PACRG: variants seen among roughly 807,000 people sequenced by gnomAD.
PACRG encodes the protein parkin coregulated gene protein.
Under a neutral mutation model 29.7 loss-of-function variants are expected in PACRG, and 29 were observed. The observed-to-expected ratio is 0.98, with a 90% CI of 0.73 to 1.33. The LOEUF (loss-of-function observed/expected upper bound fraction) is 1.33, where lower values mean the gene tolerates loss of function less well. Ranked by LOEUF, PACRG falls within the 40% of genes most tolerant of loss-of-function variation. The pLI, the probability that PACRG is intolerant of heterozygous loss-of-function variation, is 0.00. For synonymous variants in PACRG, 116 were observed against 118.7 expected, an observed-to-expected ratio of 0.98 and a Z score of 0.15; for missense variants, 279 against 316.2, an observed-to-expected ratio of 0.88 and a Z score of 0.89.
At chr6:162,877,793 C>T (rs1268766539) in intron 2 of PACRG, among the ~76,000 whole-genome samples, 4 of 152,012 alleles carry the variant, frequency 2.6e-5, no homozygotes, top group African/African-American at 7.2e-5. Context: ...TTGTCCTGCC[C>T]AGAAGAGTCA....
At chr6:162,947,354 T>TCAC (rs374880210) in intron 2 of PACRG, among the ~76,000 whole-genome samples, 1 of 47,108 alleles carries the variant, frequency 2.1e-5, no homozygotes, top group African/African-American at 7.7e-5. Context: ...TGATTACATA[T>TCAC]ATATAATGTA....
intron 4 of PACRG, among the ~76,000 whole-genome samples, chr6:163,164,292 G>A (rs1015960226): frequency 1.3e-5 from 2 of 152,154 alleles, no homozygotes; most frequent in Non-Finnish European, 1.5e-5. Context: ...TGTGTTCATG[G>A]CACAGCCTTT....
intron 2 of PACRG, among the ~76,000 whole-genome samples, chr6:162,865,753 C>G (rs2128447011): frequency 6.6e-6 from 1 of 152,224 alleles, no homozygotes; most frequent in East Asian, 1.9e-4. Flanking sequence ...CTCGAATTAA[C>G]TGGAACATAG....
intron 2 of PACRG, among the ~76,000 whole-genome samples, chr6:162,961,673 A>G (rs570469223): frequency 2.1e-4 from 32 of 152,070 alleles, no homozygotes; most frequent in Non-Finnish European, 3.1e-4. Flanking sequence ...GTCACTTAGG[A>G]CTGGAATCGA....
intron 1 of PACRG, among the ~76,000 whole-genome samples, chr6:162,790,050 G>C (rs984035142): frequency 6.6e-6 from 1 of 152,092 alleles, no homozygotes; most frequent in African/African-American, 2.4e-5. Flanking sequence ...TTGTATCTGT[G>C]GGGAGAGAGA....
intron 2 of PACRG, among the ~76,000 whole-genome samples, chr6:162,915,333 G>T (rs1796628751): frequency 6.6e-6 from 1 of 151,676 alleles, no homozygotes; most frequent in Non-Finnish European, 1.5e-5. Flanking sequence ...AATATGTTCA[G>T]GTTTGCAACC....
intron 2 of PACRG, among the ~76,000 whole-genome samples, chr6:162,846,591 T>C (rs1045570781): frequency 1.3e-5 from 2 of 152,178 alleles, no homozygotes; most frequent in Non-Finnish European, 2.9e-5. Flanking sequence ...GAGACTCTAA[T>C]AATCACCCAT....
intron 2 of PACRG, among the ~76,000 whole-genome samples, chr6:162,865,578 C>T (rs1243544097): frequency 1.1e-4 from 17 of 152,086 alleles, no homozygotes; most frequent in Admixed American, 1.1e-3. Flanking sequence ...CTCAACTCTG[C>T]TATATGATCC....
At chr6:163,097,791 A>T (rs1487145322) in intron 4 of PACRG, among the ~76,000 whole-genome samples, 1 of 152,180 alleles carries the variant, frequency 6.6e-6, no homozygotes, top group Non-Finnish European at 1.5e-5. Flanking sequence ...GGGGCTGTGG[A>T]AACCAGGTTT....
At chr6:163,180,672 T>C (rs957206416) in intron 4 of PACRG, among the ~76,000 whole-genome samples, 9 of 152,004 alleles carry the variant, frequency 5.9e-5, no homozygotes, top group Non-Finnish European at 1.3e-4. Context: ...GGGTTTTTTG[T>C]ATGGTTACAA....
At chr6:163,073,245 A>G (rs1387338757) in intron 3 of PACRG, among the ~76,000 whole-genome samples, 2 of 152,194 alleles carry the variant, frequency 1.3e-5, no homozygotes, top group Non-Finnish European at 2.9e-5. Context: ...AGACCAGTGG[A>G]ACAGCATAGA....
chr6:162,837,907 A>G (rs1789373718), intron 2 of PACRG, among the ~76,000 whole-genome samples: 1 of 152,178 alleles, frequency 6.6e-6, no homozygotes, highest in Admixed American at 6.5e-5. Context: ...TAAATAAATT[A>G]TAGGTGATTT....
chr6:162,844,133 G>C (rs1213526951), intron 2 of PACRG, among the ~76,000 whole-genome samples: 3 of 140,830 alleles, frequency 2.1e-5, no homozygotes, highest in Admixed American at 7.0e-5. Flanking sequence ...CACCCAGTTC[G>C]AGCTTCCTGG....
At chr6:162,924,035 T>G (rs186233195) in intron 2 of PACRG, among the ~76,000 whole-genome samples, 1,811 of 152,124 alleles carry the variant, frequency 0.012, 26 homozygotes, top group African/African-American at 0.03. Context: ...TTTCTTTTTT[T>G]GGGGGAGTGG....
chr6:162,744,844 G>T (rs1160969609), intron 1 of PACRG, among the ~76,000 whole-genome samples: 1 of 151,992 alleles, frequency 6.6e-6, no homozygotes, highest in Non-Finnish European at 1.5e-5. Context: ...AAGAAAACAA[G>T]TTATAAACAA....
intron 1 of PACRG, among the ~76,000 whole-genome samples, chr6:162,809,735 G>C (rs1163284419): frequency 6.6e-6 from 1 of 152,174 alleles, no homozygotes; most frequent in Non-Finnish European, 1.5e-5. Context: ...CAGTAAGTGG[G>C]AGGCTTATTA....
chr6:162,793,864 AG>A (rs1562603286), intron 1 of PACRG, among the ~76,000 whole-genome samples: 2 of 152,202 alleles, frequency 1.3e-5, no homozygotes, highest in Admixed American at 1.3e-4. Context: ...GAGGAGGGAA[AG>A]GATCAGGAAA....
At chr6:163,083,182 C>G (rs1242819319) in intron 3 of PACRG, among the ~76,000 whole-genome samples, 1 of 152,184 alleles carries the variant, frequency 6.6e-6, no homozygotes, top group Non-Finnish European at 1.5e-5. Flanking sequence ...CAAAATCACT[C>G]AGGAAAAGTC....
chr6:162,847,870 T>C (rs1325409205), intron 2 of PACRG, among the ~76,000 whole-genome samples: 2 of 152,200 alleles, frequency 1.3e-5, no homozygotes, highest in East Asian at 1.9e-4. Context: ...ATCTGGACTT[T>C]ATATCAAAGG....
Sources: allele counts gnomAD v4.1 joint callset (sites outside exome capture counted in the v4.1 genomes callset), GRCh38; gene constraint gnomAD v4.1.1; transcripts MANE v1.5; gene names NCBI Gene and HGNC (gene_info 2026-07-23, HGNC 2026-07-21).